Variants in CEP295 observed in about 807,000 individuals in gnomAD.
CEP295 encodes centrosomal protein of 295 kDa.
A neutral mutation model predicts 291.6 loss-of-function variants in CEP295; 190 were observed. That is an observed-to-expected ratio of 0.65 (90% CI 0.58 to 0.73). The LOEUF (loss-of-function observed/expected upper bound fraction) is 0.73. CEP295 is among the 30% of genes least tolerant of loss of function. CEP295 has a pLI of 0.00. For missense variants in CEP295, 2,863 were observed against 2,949.4 expected, an observed-to-expected ratio of 0.97 and a Z score of 0.68; for synonymous variants, 993 against 1,038.8, an observed-to-expected ratio of 0.96 and a Z score of 0.85.
chr11:93,684,186 C>A, intron 9 of CEP295, 58 bp downstream of exon 9: 2 of 1,453,336 alleles, frequency 1.4e-6, no homozygotes. Flanking sequence ...AAATGCTAAC[C>A]ATTAGCCAGC....
intron 24 of CEP295, 188 bp downstream of exon 24, chr11:93,727,825 A>G: frequency 2.0e-6 from 1 of 500,056 alleles, no homozygotes; most frequent in Non-Finnish European, 3.5e-6. Flanking sequence ...GGCAGGAAAA[A>G]CCTGAAACAA....
In CEP295 at chr11:93,691,712, T is replaced by C. The variant is rs1951560753; in HGVS notation, c.1366T>C (p.Ser456Pro). The C allele has an allele frequency of 6.5e-7, 1 of 1,546,110 alleles. No homozygotes were observed. The highest frequency in any genetic ancestry group is 8.7e-7 in the Non-Finnish European group (1 of 1,144,086). The part of the protein sequence containing the change: ...VVESDTLTIE[S>P]GPLASEDKPL... ...TGAAAGTGATACACTAACAATTGAG[T>C]CTGGACCACTTGCTAGTGAAGATAA... The change falls in exon 11 of 30, where the codon TCT becomes CCT. Residue 456 changes from serine to proline, a missense_variant. By Grantham distance (74) the Ser-to-Pro change is moderately conservative. Around this residue, in one of 3 missense-constraint regions of CEP295, gnomAD observed 554 missense variants for 576.0 expected, o/e 0.96. Transcript: ENST00000325212.
chr11:93,663,234 T>C (rs1191192416), intron 1 of CEP295, among the ~76,000 whole-genome samples: 2 of 152,084 alleles, frequency 1.3e-5, no homozygotes, highest in East Asian at 3.9e-4. Context: ...TCCCCACGGG[T>C]TCTTGCTGAA....
chr11:93,669,805 T>C, intron 5 of CEP295, 35 bp downstream of exon 5: 1 of 1,340,272 alleles, frequency 7.5e-7, no homozygotes, highest in Non-Finnish European at 1.0e-6. Flanking sequence ...TAGGTCATAA[T>C]TCTTCTTTAC....
At chr11:93,682,995 A>G (rs1202198422) in intron 7 of CEP295, among the ~76,000 whole-genome samples, 2 of 152,224 alleles carry the variant, frequency 1.3e-5, no homozygotes, top group Admixed American at 6.5e-5. Flanking sequence ...ACCTCATTAA[A>G]ACACTGATTA....
At chr11:93,691,888 A>G (rs1280849993) in intron 11 of CEP295, 39 bp from the exon 12 acceptor site, 2 of 1,397,926 alleles carry the variant, frequency 1.4e-6, no homozygotes, top group Non-Finnish European at 2.0e-6. Context: ...CAAAATTCTA[A>G]ATTATTGAAA....
Position 93,668,922 on chromosome 11 carries a change from CA to C in CEP295, c.430del (p.Thr144ProfsTer4). The stretch of plus-strand genomic sequence containing the variant: ...AAATCAAAAAGAAATATTACTGAAA[CA>C]AAAAACCTGGTAAAGTAATAATTTT... ...QKNQKEILLK[Q>X]KTWHIKARKE... is the part of the protein sequence containing the mutation. On this transcript the variant is annotated frameshift_variant, in exon 4 of 30. Coordinates refer to ENST00000325212, the MANE Select transcript of CEP295 (RefSeq NM_033395.2). LOFTEE classifies it high-confidence loss of function. 2 of 1,191,286 alleles carry C rather than the reference CA, an allele frequency of 1.7e-6. No individual in the cohort carries two copies. The highest frequency in any genetic ancestry group is 2.4e-6 in the Non-Finnish European group (2 of 843,002). The allele number at this position is 1,191,286 out of a possible 1,614,324, so 73.8% of individuals were successfully genotyped here. A position where few individuals can be genotyped will look rare whatever the true frequency, so the allele number is the denominator to read the frequency against.
intron 18 of CEP295, among the ~76,000 whole-genome samples, chr11:93,720,135 A>T (rs1343482845): frequency 6.7e-6 from 1 of 150,232 alleles, no homozygotes; most frequent in Non-Finnish European, 1.5e-5. Context: ...AGGCAGGAGG[A>T]TCACTTCAGG....
At chr11:93,666,955 G>A in intron 2 of CEP295, 140 bp downstream of exon 2, 3 of 513,010 alleles carry the variant, frequency 5.8e-6, no homozygotes, top group Admixed American at 3.1e-5. Flanking sequence ...GTATTAACTA[G>A]TTTTGGAACA....
intron 2 of CEP295, among the ~76,000 whole-genome samples, chr11:93,667,376 G>A (rs892268532): frequency 6.6e-6 from 1 of 152,092 alleles, no homozygotes; most frequent in Non-Finnish European, 1.5e-5. Flanking sequence ...GGGAGTGGGC[G>A]CTGAATAAAA....
chr11:93,705,370 G>T (rs1268498535), intron 17 of CEP295, among the ~76,000 whole-genome samples: 1 of 152,142 alleles, frequency 6.6e-6, no homozygotes, highest in Non-Finnish European at 1.5e-5. Flanking sequence ...GTTTAAAAAG[G>T]AAAAGTCTAA....
At chr11:93,674,605 C>T (rs1950603426) in intron 5 of CEP295, among the ~76,000 whole-genome samples, 1 of 152,174 alleles carries the variant, frequency 6.6e-6, no homozygotes, top group South Asian at 2.1e-4. Flanking sequence ...TCACAATGAT[C>T]ATATGGTATA....
chr11:93,728,809 A>G lies in CEP295; in HGVS notation c.7290A>G (p.Lys2430=), dbSNP rs1937800216. The change falls in exon 25 of 30, where the codon AAA becomes AAG. Residue 2430 remains lysine, a synonymous_variant. Transcript: ENST00000325212. Reference sequence around the variant, plus strand: ...AAGAGAAGAGCGAGAATGAAGCAAAATGCTTCTTTCAGGTAAATTTAAGCT... The same window carrying G: ...AAGAGAAGAGCGAGAATGAAGCAAAGTGCTTCTTTCAGGTAAATTTAAGCT... The part of the protein sequence containing the change: ...TLEEKSENEA[K]CFFQVSEFLP... The G allele has an allele frequency of 6.5e-7, 1 of 1,538,482 alleles. No homozygotes were observed. The highest frequency in any genetic ancestry group is 8.7e-7 in the Non-Finnish European group (1 of 1,143,974).
intron 21 of CEP295, 98 bp from the exon 22 acceptor site, chr11:93,724,156 G>C (rs1161888038): frequency 8.8e-7 from 1 of 1,133,978 alleles, no homozygotes; most frequent in Non-Finnish European, 1.2e-6. Context: ...AAGCGTTTAT[G>C]AATATGTTCT....
At chr11:93,684,224 T>C in intron 9 of CEP295, 96 bp downstream of exon 9, 1 of 965,558 alleles carries the variant, frequency 1.0e-6, no homozygotes, top group Non-Finnish European at 1.5e-6. Context: ...CTGATATAAG[T>C]GCAAGCAATG....
In CEP295 at chr11:93,699,476, A is replaced by C; in HGVS notation, c.4564A>C (p.Ile1522Leu). ...LDTQKKAIRS[I>L]QEVQEELLLQ... Reference sequence around the variant, plus strand: ...TACACAGAAGAAAGCCATTCGATCTATACAGGAAGTCCAAGAAGAATTGCT... The same window carrying C: ...TACACAGAAGAAAGCCATTCGATCTCTACAGGAAGTCCAAGAAGAATTGCT... Residue 1522 changes from isoleucine to leucine, a missense_variant, in exon 15 of 30, where the codon ATA (isoleucine) becomes CTA (leucine). Around this residue, in one of 3 missense-constraint regions of CEP295, gnomAD observed 2,295 missense variants for 2,335.7 expected, o/e 0.98. Coordinates refer to ENST00000325212, the MANE Select transcript of CEP295 (RefSeq NM_033395.2). The C allele has an allele frequency of 6.4e-7, 1 of 1,551,794 alleles. No individual in the cohort carries two copies. The highest frequency in any genetic ancestry group is 8.7e-7 in the Non-Finnish European group (1 of 1,147,002).
chr11:93,727,062 A>T lies in CEP295; in HGVS notation c.6586A>T (p.Ile2196Phe). Reference sequence around the variant, plus strand: ...TGCTGATCTACCAAGTATTTTTAGCATTGAAGCAAGAGATTCTTCCCAAGG... The same window carrying T: ...TGCTGATCTACCAAGTATTTTTAGCTTTGAAGCAAGAGATTCTTCCCAAGG... ...QHADLPSIFS[I>F]EARDSSQGMK... Residue 2196 changes from isoleucine to phenylalanine, a missense_variant, in exon 24 of 30, where the codon ATT becomes TTT. By Grantham distance (21) the Ile-to-Phe change is conservative (BLOSUM62 0). Transcript: ENST00000325212. 6.4e-7 allele frequency: 1 copy of T among 1,551,826 alleles called. No individual in the cohort carries two copies. Among genetic ancestry groups the T allele is most frequent in the African/African-American group, 1.4e-5 (1 of 73,162 alleles).
Position 93,696,856 on chromosome 11 carries a change from T to G in CEP295, c.1944T>G (p.Gly648=). 1 of 1,551,692 alleles carries G rather than the reference T, an allele frequency of 6.4e-7. No individual in the cohort carries two copies. The highest frequency in any genetic ancestry group is 1.4e-5 in the African/African-American group (1 of 73,156). ...CTATATCAGAGCATTGGGATCAAGGTCAGAGACTCAAGTTGAGTCCTAACA... is the reference window on the plus strand; with the variant it reads ...CTATATCAGAGCATTGGGATCAAGGGCAGAGACTCAAGTTGAGTCCTAACA... ...PTAISEHWDQ[G]QRLKLSPNKY... is the part of the protein sequence containing the mutation. Residue 648 remains glycine (G), a synonymous_variant, in exon 15 of 30, where the codon GGT becomes GGG. Transcript: ENST00000325212.
intron 5 of CEP295, among the ~76,000 whole-genome samples, chr11:93,672,033 A>G (rs1950475644): frequency 6.6e-6 from 1 of 152,214 alleles, no homozygotes; most frequent in African/African-American, 2.4e-5. Flanking sequence ...ATCTAATTTA[A>G]TCACATTAGC....
Sources: allele counts gnomAD v4.1 joint callset (sites outside exome capture counted in the v4.1 genomes callset), GRCh38; gene constraint gnomAD v4.1.1; regional missense constraint gnomAD v4.1.1; transcripts MANE v1.5; gene names NCBI Gene and HGNC (gene_info 2026-07-23, HGNC 2026-07-21).